The following CDKAL1 variants were observed in gnomAD, a reference collection of about 807,000 sequenced individuals.
CDKAL1 encodes the protein CDKAL1 threonylcarbamoyladenosine tRNA methylthiotransferase, also known as threonylcarbamoyladenosine tRNA methylthiotransferase.
In CDKAL1, 32 loss-of-function variants were observed where a neutral mutation model predicts 68.2. The observed-to-expected ratio is 0.47, with a 90% CI of 0.35 to 0.63. The LOEUF (loss-of-function observed/expected upper bound fraction) is 0.63, where lower values mean the gene tolerates loss of function less well. Among genes scored for constraint, CDKAL1 ranks in the 30% least tolerant of loss-of-function variants. The pLI is 0.00. For synonymous variants in CDKAL1, 234 were observed against 244.3 expected (o/e 0.96, Z 0.39); for missense variants, 606 against 696.7 (o/e 0.87, Z 1.47).
chr6:20,910,682 G>T (rs1237175239), intron 9 of CDKAL1, among the ~76,000 whole-genome samples: 1 of 152,148 alleles, frequency 6.6e-6, no homozygotes, highest in Non-Finnish European at 1.5e-5. Context: ...TACATATTTT[G>T]AAATTCTAAC....
At chr6:20,916,368 G>A (rs898035641) in intron 9 of CDKAL1, among the ~76,000 whole-genome samples, 15 of 152,144 alleles carry the variant, frequency 9.9e-5, no homozygotes, top group Non-Finnish European at 2.2e-4. Flanking sequence ...AGACTAATTC[G>A]AAATTTTGAG....
intron 9 of CDKAL1, among the ~76,000 whole-genome samples, chr6:20,891,392 G>A (rs1561861906): frequency 6.6e-6 from 1 of 152,112 alleles, no homozygotes; most frequent in Non-Finnish European, 1.5e-5. Context: ...TCCTTACTGT[G>A]AGTTAATAAC....
chr6:20,619,452 A>C (rs1767079085), intron 4 of CDKAL1, among the ~76,000 whole-genome samples: 1 of 152,228 alleles, frequency 6.6e-6, no homozygotes, highest in Non-Finnish European at 1.5e-5. Context: ...TGCAATGTAT[A>C]TAGGCTTCTA....
intron 11 of CDKAL1, among the ~76,000 whole-genome samples, chr6:21,013,072 G>A (rs1210285405): frequency 1.3e-5 from 2 of 152,134 alleles, no homozygotes; most frequent in Non-Finnish European, 2.9e-5. Context: ...ACTCCTTTGA[G>A]GTCATCTGAA....
intron 4 of CDKAL1, among the ~76,000 whole-genome samples, chr6:20,557,052 A>T (rs1338823566): frequency 6.9e-5 from 5 of 72,324 alleles, no homozygotes; most frequent in Admixed American, 1.3e-4. Flanking sequence ...AAAAAAAAAA[A>T]ATAAATAAAT....
At chr6:20,895,869 C>G (rs1761654844) in intron 9 of CDKAL1, among the ~76,000 whole-genome samples, 2 of 152,252 alleles carry the variant, frequency 1.3e-5, no homozygotes, top group African/African-American at 4.8e-5. Flanking sequence ...TTTTGTCCCT[C>G]AACTTTCTTT....
intron 6 of CDKAL1, among the ~76,000 whole-genome samples, chr6:20,741,118 G>C (rs1409757196): frequency 6.6e-6 from 1 of 152,096 alleles, no homozygotes; most frequent in Non-Finnish European, 1.5e-5. Context: ...GCCGGGAAAA[G>C]CGTATGTTAG....
chr6:21,072,289 C>T (rs1403300675), intron 12 of CDKAL1, among the ~76,000 whole-genome samples: 1 of 152,172 alleles, frequency 6.6e-6, no homozygotes, highest in East Asian at 1.9e-4. Flanking sequence ...AAATATTGAG[C>T]TGTCCTCCAC....
At chr6:21,205,415 C>T (rs182601251) in intron 15 of CDKAL1, among the ~76,000 whole-genome samples, 43 of 152,352 alleles carry the variant, frequency 2.8e-4, no homozygotes, top group Non-Finnish European at 4.7e-4. Flanking sequence ...TACATTTCCA[C>T]CAATAGTGCA....
chr6:21,176,470 G>T (rs1305929460), intron 13 of CDKAL1, among the ~76,000 whole-genome samples: 1 of 152,158 alleles, frequency 6.6e-6, no homozygotes, highest in African/African-American at 2.4e-5. Context: ...TCTCTTCAAT[G>T]GTGAAATTTT....
At chr6:21,018,167 T>G (rs535954231) in intron 11 of CDKAL1, among the ~76,000 whole-genome samples, 16 of 152,284 alleles carry the variant, frequency 1.1e-4, no homozygotes, top group Admixed American at 2.0e-4. Context: ...TACACCTTCC[T>G]CAAAACAAAT....
intron 7 of CDKAL1, among the ~76,000 whole-genome samples, chr6:20,774,207 A>G (rs1001051142): frequency 1.3e-5 from 2 of 152,208 alleles, no homozygotes; most frequent in African/African-American, 4.8e-5. Context: ...TTTAGAAAAA[A>G]GTAAAGGGAA....
intron 5 of CDKAL1, among the ~76,000 whole-genome samples, chr6:20,681,511 G>C (rs1770373155): frequency 6.6e-6 from 1 of 152,200 alleles, no homozygotes; most frequent in African/African-American, 2.4e-5. Flanking sequence ...TCTGTTATTT[G>C]ATAGGAAAGA....
At chr6:20,695,427 A>G (rs1444099920) in intron 5 of CDKAL1, among the ~76,000 whole-genome samples, 1 of 152,218 alleles carries the variant, frequency 6.6e-6, no homozygotes, top group Non-Finnish European at 1.5e-5. Context: ...TTAGAGATCC[A>G]GCTAGATGCT....
chr6:20,903,516 GT>G (rs1459214837), intron 9 of CDKAL1, among the ~76,000 whole-genome samples: 2 of 152,260 alleles, frequency 1.3e-5, no homozygotes, highest in South Asian at 2.1e-4. Flanking sequence ...ACCGAAGAAG[GT>G]GAGATGATTT....
At chr6:20,922,454 T>A (rs1404210517) in intron 9 of CDKAL1, among the ~76,000 whole-genome samples, 1 of 152,186 alleles carries the variant, frequency 6.6e-6, no homozygotes, top group Non-Finnish European at 1.5e-5. Flanking sequence ...GAGGGGACAG[T>A]ATCTAAATTA....
chr6:20,585,833 G>A (rs902643966), intron 4 of CDKAL1, among the ~76,000 whole-genome samples: 1 of 151,658 alleles, frequency 6.6e-6, no homozygotes, highest in Non-Finnish European at 1.5e-5. Flanking sequence ...GAGTCCCATA[G>A]CTTTTAGGTA....
intron 6 of CDKAL1, among the ~76,000 whole-genome samples, chr6:20,757,411 A>G (rs564560002): frequency 6.6e-6 from 1 of 152,328 alleles, no homozygotes; most frequent in Non-Finnish European, 1.5e-5. Flanking sequence ...ATAGACCTAT[A>G]GACTGACAAT....
At chr6:21,138,762 T>A (rs1362550991) in intron 13 of CDKAL1, among the ~76,000 whole-genome samples, 2 of 152,194 alleles carry the variant, frequency 1.3e-5, no homozygotes. Context: ...AAAAATACAT[T>A]ACCATAAGAC....
Sources: allele counts gnomAD v4.1 joint callset (sites outside exome capture counted in the v4.1 genomes callset), GRCh38; gene constraint gnomAD v4.1.1; transcripts MANE v1.5; gene names NCBI Gene and HGNC (gene_info 2026-07-23, HGNC 2026-07-21).